Variants in PGC observed in about 807,000 individuals in gnomAD.
The protein encoded by PGC is progastricsin.
A neutral mutation model predicts 45.9 loss-of-function variants in PGC; 31 were observed. That is an observed-to-expected ratio of 0.67 (90% CI 0.51 to 0.91). The LOEUF (loss-of-function observed/expected upper bound fraction) is 0.91. Ranked by LOEUF, PGC falls within the 40% of genes least tolerant of loss-of-function variation. The pLI is 0.00. For missense variants in PGC, 477 were observed against 493.2 expected, an observed-to-expected ratio of 0.97 and a Z score of 0.31; for synonymous variants, 192 against 201.8, an observed-to-expected ratio of 0.95 and a Z score of 0.41.
chr6:41,737,243 T>G (rs1771702577), intron 8 of PGC, among the ~76,000 whole-genome samples: 1 of 152,084 alleles, frequency 6.6e-6, no homozygotes, highest in Admixed American at 6.5e-5. Flanking sequence ...ATGGGAAACT[T>G]CTCTTCCCAC....
chr6:41,744,269 A>G lies in PGC; in HGVS notation c.328+128T>C, dbSNP rs1771884987. The G allele has an allele frequency of 4.7e-6, 3 of 635,388 alleles. No individual in the cohort carries two copies. Among genetic ancestry groups the G allele is most frequent in the African/African-American group, 1.8e-5 (1 of 55,622 alleles). 39.4% of individuals were successfully genotyped at this position (635,388 alleles called of 1,614,324 possible). A position where few individuals can be genotyped will look rare whatever the true frequency, so the allele number is the denominator to read the frequency against. ...TTGGGCATGCTGTGTGGCCCTGCAC[A>G]TGTCCCTGGTCCTCCCCAGGACTGA... On this transcript the variant is annotated intron_variant, in intron 3 of 8. Transcript: ENST00000373025. This position sits in a 1 kb window ranked among gnomAD's most constrained non-coding sequence, Gnocchi z 4.4.
At chr6:41,745,549 GTTTT>G (rs58088265) in intron 1 of PGC, among the ~76,000 whole-genome samples, 55 of 124,954 alleles carry the variant, frequency 4.4e-4, no homozygotes, top group Non-Finnish European at 4.2e-4. Context: ...AGGATATGTA[GTTTT>G]TTTTTTTTTT....
intron 7 of PGC, among the ~76,000 whole-genome samples, chr6:41,738,396 G>C (rs1581950565): frequency 6.6e-6 from 1 of 151,382 alleles, no homozygotes; most frequent in Non-Finnish European, 1.5e-5. Flanking sequence ...GGGAGGCCGA[G>C]GTAGGCAGAT....
intron 5 of PGC, chr6:41,740,866 T>C: frequency 7.0e-7 from 1 of 1,432,412 alleles, no homozygotes; most frequent in East Asian, 2.5e-5. Flanking sequence ...TCCCTCAGAC[T>C]GGGGCTCCCT....
In PGC at chr6:41,743,319, C is replaced by A; in HGVS notation, c.399G>T (p.Gln133His). 1.2e-6 allele frequency: 2 copies of A among 1,614,072 alleles called. No individual in the cohort carries two copies. The highest frequency in any genetic ancestry group is 2.2e-5 in the South Asian group (2 of 91,078). The change falls in exon 4 of 9, where the codon CAG becomes CAT. Residue 133 changes from glutamine to histidine, a missense_variant. Transcript: ENST00000373025. ...YSTNGQTFSL[Q>H]YGSGSLTGFF... ...AGCCGGTGAGGCTGCCACTGCCATA[C>A]TGCAGGGAGAAGGTCTGCCCATTGG...
intron 6 of PGC, 138 bp downstream of exon 6, chr6:41,740,353 G>C: frequency 8.8e-7 from 1 of 1,131,368 alleles, no homozygotes. Context: ...GCAGAGGACA[G>C]TTGTGGCTTT....
rs778454241 is a variant in PGC, at chr6:41,739,987, T to C, written c.768-41A>G. 1.3e-5 allele frequency: 20 copies of C among 1,592,186 alleles called. No individual in the cohort carries two copies. In the Admixed American group the frequency reaches 3.5e-4, roughly 28 times the overall value. ...ACAGGCAGCCTCAGGACTCCCCCAG[T>C]TCAGGGCAGCTGGGGCGGGCTTTCC... On this transcript the variant is annotated intron_variant, in intron 6 of 8. Coordinates refer to ENST00000373025, the MANE Select transcript of PGC (RefSeq NM_002630.4).
chr6:41,737,979 C>T, intron 7 of PGC, 151 bp from the exon 8 acceptor site: 1 of 589,992 alleles, frequency 1.7e-6, no homozygotes, highest in Non-Finnish European at 3.1e-6. Context: ...AAGGGAAAGT[C>T]CTGTGTAGGT....
intron 1 of PGC, among the ~76,000 whole-genome samples, chr6:41,746,844 G>T (rs538945737): frequency 1.3e-5 from 2 of 152,190 alleles, no homozygotes; most frequent in South Asian, 4.1e-4. Flanking sequence ...ACATTTACTG[G>T]TGTTTCTGCT....
intron 1 of PGC, among the ~76,000 whole-genome samples, chr6:41,745,756 T>C (rs1423272799): frequency 2.0e-5 from 3 of 150,774 alleles, no homozygotes; most frequent in African/African-American, 2.4e-5. Context: ...TCTATGTTGG[T>C]CAGGCTGGTC....
intron 5 of PGC, 189 bp from the exon 6 acceptor site, chr6:41,740,799 C>G: frequency 7.0e-7 from 1 of 1,425,784 alleles, no homozygotes; most frequent in Non-Finnish European, 9.1e-7. Context: ...GATTGGAGCT[C>G]CCTGAGGATG....
At chr6:41,743,467 C>T (rs1336306080) in intron 3 of PGC, 78 bp from the exon 4 acceptor site, 1 of 886,014 alleles carries the variant, frequency 1.1e-6, no homozygotes, top group African/African-American at 1.6e-5. Flanking sequence ...CGGGTTCCCA[C>T]CTCAGCCTCT....
Position 41,747,256 on chromosome 6 carries a change from C to T in PGC, c.59+20G>A. 4 of 1,610,542 alleles carry T rather than the reference C, an allele frequency of 2.5e-6. No homozygotes were observed. Among genetic ancestry groups the T allele is most frequent in the Non-Finnish European group, 2.5e-6 (3 of 1,176,790 alleles). ...CTCCCATCCAGGCTCCCTGCACCAG[C>T]AGCCAGATCCCAGACTCACTTGACC... On this transcript the variant is annotated intron_variant, in intron 1 of 8. Coordinates refer to ENST00000373025, the MANE Select transcript of PGC (RefSeq NM_002630.4).
chr6:41,736,918 G>A lies in PGC; in HGVS notation c.1101C>T (p.Phe367=). 1 of 1,614,170 alleles carries A rather than the reference G, an allele frequency of 6.2e-7. No homozygotes were observed. The highest frequency in any genetic ancestry group is 8.5e-7 in the Non-Finnish European group (1 of 1,180,012). Residue 367 remains phenylalanine, a synonymous_variant, in exon 9 of 9, where the codon TTC becomes TTT. Transcript: ENST00000373025. ...CGTAGACGGAATAGTAGGACCTGAG[G>A]AAGACATCCCCGAGGATCCACAGGG... ...GQPLWILGDV[F]LRSYYSVYDL... is the part of the protein sequence containing the mutation.
chr6:41,746,052 C>A (rs1030746814), intron 1 of PGC, among the ~76,000 whole-genome samples: 3 of 151,878 alleles, frequency 2.0e-5, no homozygotes, highest in Non-Finnish European at 2.9e-5. Context: ...ATCCTAGCTA[C>A]TCGGGAGGCT....
chr6:41,741,032 C>T lies in PGC; in HGVS notation c.648-422G>A, dbSNP rs1397507359. On this transcript the variant is annotated intron_variant, in intron 5 of 8. Transcript: ENST00000373025. ...GTCCCCTAGTGGTTGGGACCCCCAG[C>T]CCACACTCTGCTCTCCTCTCCCCTC... 13 of 1,536,840 alleles carry T rather than the reference C, an allele frequency of 8.5e-6. No homozygotes were observed. In the Admixed American group the frequency reaches 1.4e-4, roughly 16 times the overall value.
chr6:41,736,900 G>A lies in PGC; in HGVS notation c.1119C>T (p.Ser373=), dbSNP rs754555065. 1.4e-5 allele frequency: 22 copies of A among 1,614,036 alleles called. No individual in the cohort carries two copies. Among genetic ancestry groups the A allele is most frequent in the East Asian group, 1.3e-4 (6 of 44,882 alleles). Residue 373 remains serine (S), a synonymous_variant, in exon 9 of 9, where the codon TCC becomes TCT. Coordinates refer to ENST00000373025, the MANE Select transcript of PGC (RefSeq NM_002630.4). ...CTCTGTTGTTGCCCAAGTCGTAGAC[G>A]GAATAGTAGGACCTGAGGAAGACAT... The part of the protein sequence containing the change: ...LGDVFLRSYY[S]VYDLGNNRVG...
In PGC at chr6:41,742,456, C is replaced by T. The variant is rs753948731; in HGVS notation, c.481G>A (p.Gly161Ser). Residue 161 changes from glycine (G) to serine (S), a missense_variant, in exon 5 of 9, where the codon GGC (glycine) becomes AGC (serine). Physicochemically the swap from Gly to Ser is moderately conservative, Grantham distance 56. Transcript: ENST00000373025. ...GTACCAGGCTCATTCTCACTCAAGC[C>T]GAACTCCTGGTTGGGGACCTGGATG... ...QSIQVPNQEFGLSENEPGTNF... is the reference protein window; with the variant it reads ...QSIQVPNQEFSLSENEPGTNF... 7.4e-6 allele frequency: 12 copies of T among 1,614,124 alleles called. No homozygotes were observed. Among genetic ancestry groups the T allele is most frequent in the Middle Eastern group, 1.6e-4 (1 of 6,062 alleles).
Position 41,744,895 on chromosome 6 carries a change from A to C in PGC, c.60-87T>G. On this transcript the variant is annotated intron_variant, in intron 1 of 8. Coordinates refer to ENST00000373025, the MANE Select transcript of PGC (RefSeq NM_002630.4). The surrounding 1 kb of genome is among the most constrained non-coding windows in gnomAD (Gnocchi z 4.4). ...TTCTCTCTCTCCTTCTCTTAACTGC[A>C]TGCTTCAACCTCCCTGCCACTCTGT... 4 of 1,214,714 alleles carry C rather than the reference A, an allele frequency of 3.3e-6. No individual in the cohort carries two copies. The highest frequency in any genetic ancestry group is 2.9e-5 in the South Asian group (2 of 69,638). 75.2% of individuals were successfully genotyped at this position (1,214,714 alleles called of 1,614,324 possible).
Sources: gnomAD v4.1 joint callset for allele counts (sites outside exome capture counted in the v4.1 genomes callset) on GRCh38, gnomAD v4.1.1 for gene constraint, Gnocchi (gnomAD v3.1) non-coding constraint, MANE v1.5 for transcripts, NCBI Gene and HGNC (gene_info 2026-07-23, HGNC 2026-07-21) for gene names.